The following LARGE1 variants were observed in gnomAD, a reference collection of about 807,000 sequenced individuals.
The protein encoded by LARGE1 is LARGE xylosyl- and glucuronyltransferase 1, also known as xylosyl- and glucuronyltransferase LARGE1.
In LARGE1, 43 loss-of-function variants were observed where a neutral mutation model predicts 87.6. The observed-to-expected ratio is 0.49, with a 90% CI of 0.38 to 0.63. LARGE1 has a LOEUF of 0.63. Among genes scored for constraint, LARGE1 ranks in the 30% least tolerant of loss-of-function variants. LARGE1 has a pLI of 0.00. For synonymous variants in LARGE1, 434 were observed against 394.6 expected (o/e 1.10, Z -1.18); for missense variants, 802 against 1,000.2 (o/e 0.80, Z 2.67).
chr22:33,529,748 G>A (rs1039770497), intron 6 of LARGE1, among the ~76,000 whole-genome samples: 2 of 152,158 alleles, frequency 1.3e-5, no homozygotes, highest in African/African-American at 2.4e-5. Flanking sequence ...GGAAGCACAC[G>A]GGCTTCAAAG....
At chr22:33,748,024 C>CAAAAAAAAA (rs535230421) in intron 2 of LARGE1, among the ~76,000 whole-genome samples, 256 of 21,732 alleles carry the variant, frequency 0.012, 50 homozygotes, top group East Asian at 0.024. Flanking sequence ...TCTGCTGGAG[C>CAAAAAAAAA]AAAAAAAAAA....
At chr22:33,450,857 T>C (rs1184539224) in intron 6 of LARGE1, among the ~76,000 whole-genome samples, 2 of 152,056 alleles carry the variant, frequency 1.3e-5, no homozygotes, top group African/African-American at 4.8e-5. Flanking sequence ...GTTGCTGAAA[T>C]TAATAGCTAG....
At chr22:33,689,164 TCTCC>T (rs1363686900) in intron 2 of LARGE1, among the ~76,000 whole-genome samples, 3 of 130,248 alleles carry the variant, frequency 2.3e-5, no homozygotes, top group Non-Finnish European at 3.6e-5. Context: ...TCTCTCTCTC[TCTCC>T]CCCCTCCTGT....
At chr22:33,577,118 A>G (rs2148850771) in intron 5 of LARGE1, among the ~76,000 whole-genome samples, 1 of 152,318 alleles carries the variant, frequency 6.6e-6, no homozygotes, top group Admixed American at 6.5e-5. Flanking sequence ...TTCTGTTACC[A>G]TAAATTTACT....
At chr22:33,255,178 T>C (rs1459001678) in intron 11 of LARGE1, among the ~76,000 whole-genome samples, 1 of 152,194 alleles carries the variant, frequency 6.6e-6, no homozygotes, top group East Asian at 1.9e-4. Flanking sequence ...CCTCAAGTGA[T>C]CCGCCTGCCT....
At chr22:33,505,465 G>A (rs1344886351) in intron 6 of LARGE1, among the ~76,000 whole-genome samples, 1 of 152,176 alleles carries the variant, frequency 6.6e-6, no homozygotes, top group African/African-American at 2.4e-5. Flanking sequence ...GACTGGGCTC[G>A]TTTCCCTGGA....
chr22:33,730,545 T>G (rs771833763), intron 2 of LARGE1, among the ~76,000 whole-genome samples: 2 of 152,198 alleles, frequency 1.3e-5, no homozygotes, highest in African/African-American at 4.8e-5. Flanking sequence ...GGGGTTAGTG[T>G]CCCTAGTTCC....
intron 6 of LARGE1, among the ~76,000 whole-genome samples, chr22:33,469,827 T>C (rs1313459481): frequency 2.5e-4 from 34 of 135,862 alleles, no homozygotes; most frequent in African/African-American, 9.2e-4. Context: ...GACTCCATCT[T>C]AAAAACAAAA....
intron 1 of LARGE1, among the ~76,000 whole-genome samples, chr22:33,833,830 G>A (rs2063039499): frequency 6.6e-6 from 1 of 152,142 alleles, no homozygotes; most frequent in South Asian, 2.1e-4. Flanking sequence ...TGGGGTTACA[G>A]GCATGCGCCA....
chr22:33,537,562 GTTTA>G (rs1433990805), intron 6 of LARGE1, among the ~76,000 whole-genome samples: 3 of 152,114 alleles, frequency 2.0e-5, no homozygotes, highest in South Asian at 4.2e-4. Context: ...GCTATACAGG[GTTTA>G]TTTGTTTATT....
At chr22:33,409,197 A>G (rs74424937) in intron 7 of LARGE1, among the ~76,000 whole-genome samples, 1,632 of 152,288 alleles carry the variant, frequency 0.011, 33 homozygotes, top group African/African-American at 0.037. Context: ...CAAATATGCA[A>G]TAAAGGAGAT....
At chr22:33,459,702 C>T (rs2068293351) in intron 6 of LARGE1, among the ~76,000 whole-genome samples, 1 of 151,404 alleles carries the variant, frequency 6.6e-6, no homozygotes, top group African/African-American at 2.4e-5. Context: ...ATTTACATTA[C>T]ACCGCCAGCC....
intron 7 of LARGE1, among the ~76,000 whole-genome samples, chr22:33,419,191 C>A (rs1001487096): frequency 6.6e-5 from 10 of 151,984 alleles, no homozygotes; most frequent in African/African-American, 2.4e-4. Flanking sequence ...CCTTAAAAAA[C>A]CTCAGATCTC....
intron 11 of LARGE1, among the ~76,000 whole-genome samples, chr22:33,208,918 T>C (rs1924821038): frequency 6.6e-6 from 1 of 152,238 alleles, no homozygotes; most frequent in Admixed American, 6.5e-5. Flanking sequence ...TTTTTATGGC[T>C]GCATAGTGTT....
the LARGE1 span, among the ~76,000 whole-genome samples, chr22:33,137,965 G>T: frequency 6.6e-6 from 1 of 152,328 alleles, no homozygotes; most frequent in South Asian, 2.1e-4. Flanking sequence ...CCCCCACACA[G>T]AGTCCCCAGT....
chr22:33,899,238 T>C (rs2065223465), intron 1 of LARGE1, among the ~76,000 whole-genome samples: 1 of 152,238 alleles, frequency 6.6e-6, no homozygotes, highest in East Asian at 1.9e-4. Flanking sequence ...ACCCGCCTGA[T>C]GGTGCCCAAC....
chr22:33,584,132 T>C (rs2078599678), intron 5 of LARGE1, among the ~76,000 whole-genome samples: 1 of 152,246 alleles, frequency 6.6e-6, no homozygotes, highest in African/African-American at 2.4e-5. Flanking sequence ...TAGAAAAAGT[T>C]TAATAAGAGT....
chr22:33,131,000 C>T, the LARGE1 span, among the ~76,000 whole-genome samples: 1 of 137,926 alleles, frequency 7.3e-6, no homozygotes, highest in East Asian at 2.2e-4. Flanking sequence ...CGCCAATGCA[C>T]TCCAGCCTGG....
intron 10 of LARGE1, among the ~76,000 whole-genome samples, chr22:33,332,269 G>A (rs1410822061): frequency 6.6e-6 from 1 of 152,128 alleles, no homozygotes; most frequent in Non-Finnish European, 1.5e-5. Flanking sequence ...TAGTGAATAA[G>A]TCTCATGAGA....
Sources: allele counts gnomAD v4.1 joint callset (sites outside exome capture counted in the v4.1 genomes callset), GRCh38; gene constraint gnomAD v4.1.1; transcripts MANE v1.5; gene names NCBI Gene and HGNC (gene_info 2026-07-23, HGNC 2026-07-21).